Variants in SQSTM1 observed in about 807,000 individuals in gnomAD.
SQSTM1 encodes sequestosome-1.
In SQSTM1, 36 loss-of-function variants were observed where a neutral mutation model predicts 45.1. The ratio of observed to expected loss-of-function variants is 0.80; its 90% CI spans 0.61 to 1.05. The LOEUF (loss-of-function observed/expected upper bound fraction) is 1.05, where lower values mean the gene tolerates loss of function less well. SQSTM1 is among the 50% of genes least tolerant of loss of function. The pLI is 0.00. For missense variants in SQSTM1, 617 were observed against 607.1 expected (o/e 1.02, Z -0.17); for synonymous variants, 290 against 244.3 (o/e 1.19, Z -1.74).
intron 5 of SQSTM1, among the ~76,000 whole-genome samples, chr5:179,826,509 C>T (rs906278863): frequency 2.0e-5 from 3 of 151,786 alleles, no homozygotes; most frequent in African/African-American, 7.3e-5. Flanking sequence ...CTTGGCATTG[C>T]TTCTGAACTA....
chr5:179,818,105 A>G (rs1346300822), upstream of SQSTM1, among the ~76,000 whole-genome samples: 1 of 149,082 alleles, frequency 6.7e-6, no homozygotes, highest in Non-Finnish European at 1.5e-5. Context: ...TGAGGAGGAG[A>G]CATTTAGGGT....
At position 179,836,946 on chromosome 5, in the gene SQSTM1, T is replaced by TA. The variant is rs1487556884; in HGVS notation, c.*354dup. On this transcript the variant is annotated 3_prime_UTR_variant, in exon 8 of 8. Transcript: ENST00000389805. ...TTTCTCTTTTGTTTTAAATGACTCA[T>TA]AGGTCCCTGACATTTAGTTGATTAT... 1.6e-6 allele frequency: 1 copy of TA among 606,808 alleles called. No individual in the cohort carries two copies. The highest frequency in any genetic ancestry group is 2.9e-6 in the Non-Finnish European group (1 of 343,640). 37.6% of individuals were successfully genotyped at this position (606,808 alleles called of 1,614,324 possible).
rs2113480146 is a variant in SQSTM1 at position 179,821,132 on chromosome 5, C to T, written c.196C>T (p.His66Tyr). 7.3e-6 allele frequency: 10 copies of T among 1,363,600 alleles called. No homozygotes were observed. The highest frequency in any genetic ancestry group is 9.4e-6 in the Non-Finnish European group (10 of 1,063,148). The allele number at this position is 1,363,600 out of a possible 1,614,324, so 84.5% of individuals were successfully genotyped here. Residue 66 changes from histidine (H) to tyrosine (Y), a missense_variant, in exon 1 of 8, where the codon CAC (histidine) becomes TAC (tyrosine). His to Tyr is a moderately conservative substitution (Grantham distance 83). Transcript: ENST00000389805. ...PALRPGGFQA[H>Y]YRDEDGDLVA... ...GCTGCGGCCTGGCGGCTTCCAGGCGCACTACCGCGGTGAGCGGGCCGGGGA... is the reference window on the plus strand; with the variant it reads ...GCTGCGGCCTGGCGGCTTCCAGGCGTACTACCGCGGTGAGCGGGCCGGGGA...
chr5:179,819,851 A>G (rs1266953294), upstream of SQSTM1, among the ~76,000 whole-genome samples: 1 of 151,444 alleles, frequency 6.6e-6, no homozygotes, highest in Non-Finnish European at 1.5e-5. Context: ...CCCACACATC[A>G]CCTTCGCACC....
At chr5:179,812,743 AG>A (rs1342163350) in intron 2 of SQSTM1, 3 of 152,242 alleles carry the variant, frequency 2.0e-5, no homozygotes, top group African/African-American at 7.2e-5. Flanking sequence ...GAAGTTCTCC[AG>A]TGCCCAGGCC....
At chr5:179,807,456 C>T (rs894616211) in intron 1 of SQSTM1, 1 of 152,242 alleles carries the variant, frequency 6.6e-6, no homozygotes, top group Non-Finnish European at 1.5e-5. Context: ...AGGGCCGATG[C>T]TCGTGGATGC....
chr5:179,836,758 G>A lies in SQSTM1; in HGVS notation c.*165G>A. On this transcript the variant is annotated 3_prime_UTR_variant, in exon 8 of 8. Coordinates refer to ENST00000389805, the MANE Select transcript of SQSTM1 (RefSeq NM_003900.5). Reference sequence around the variant, plus strand: ...GGGCAGCAAAACAAGTGACATGAAGGGAGGGTCCCTGTGTGTGTGTGTGCT... The same window carrying A: ...GGGCAGCAAAACAAGTGACATGAAGAGAGGGTCCCTGTGTGTGTGTGTGCT... The A allele has an allele frequency of 9.6e-7, 1 of 1,045,542 alleles. No homozygotes were observed. Among genetic ancestry groups the A allele is most frequent in the Non-Finnish European group, 1.5e-6 (1 of 686,350 alleles). The allele number at this position is 1,045,542 out of a possible 1,614,324, so 64.8% of individuals were successfully genotyped here. A position where few individuals can be genotyped will look rare whatever the true frequency, so the allele number is the denominator to read the frequency against.
chr5:179,812,981 A>C (rs1205325147), intron 2 of SQSTM1: 1 of 101,932 alleles, frequency 9.8e-6, no homozygotes, highest in Non-Finnish European at 2.2e-5. Flanking sequence ...CATTCAAAAC[A>C]TGGTCCCCCC....
At chr5:179,807,268 T>C (rs998494845) in intron 1 of SQSTM1, 2 of 152,056 alleles carry the variant, frequency 1.3e-5, no homozygotes, top group African/African-American at 4.8e-5. Flanking sequence ...CTCGGGGCTC[T>C]TTCCCGGGCG....
chr5:179,832,923 CTG>C, intron 5 of SQSTM1, 107 bp from the exon 6 acceptor site: 2 of 1,125,292 alleles, frequency 1.8e-6, no homozygotes, highest in Non-Finnish European at 2.7e-6. Context: ...CTTGTGGGGA[CTG>C]AACGTTGAGA....
At chr5:179,811,629 A>C (rs1757406776) in exon 2 of SQSTM1, 1 of 152,218 alleles carries the variant, frequency 6.6e-6, no homozygotes, top group South Asian at 2.1e-4. Context: ...TTTTAGCTGA[A>C]CTAAGGAGAA....
At chr5:179,817,599 C>T (rs1304569116), upstream of SQSTM1, among the ~76,000 whole-genome samples, 1 of 152,268 alleles carries the variant, frequency 6.6e-6, no homozygotes, top group Non-Finnish European at 1.5e-5. Context: ...CCATGTCTGT[C>T]CATGACTTGA....
intron 1 of SQSTM1, chr5:179,821,446 G>A (rs1010665258): frequency 8.3e-6 from 5 of 606,042 alleles, no homozygotes; most frequent in Non-Finnish European, 1.5e-5. Context: ...CCCCCGCGCT[G>A]TTGGGGATTT....
At chr5:179,836,314 C>T (rs1302604692) in intron 7 of SQSTM1, 122 bp from the exon 8 acceptor site, 4 of 1,353,052 alleles carry the variant, frequency 3.0e-6, no homozygotes, top group Non-Finnish European at 3.2e-6. Flanking sequence ...AGGACGAGAG[C>T]TCTGGGCAGG....
At chr5:179,833,004 G>A (rs770466637) in intron 5 of SQSTM1, 28 bp from the exon 6 acceptor site, 17 of 1,613,268 alleles carry the variant, frequency 1.1e-5, no homozygotes, top group Middle Eastern at 3.4e-4. Context: ...GGAACTTCAC[G>A]GCTTGCTCTT....
rs1758577042 is a variant in SQSTM1 at position 179,836,681 on chromosome 5, A to C, written c.*88A>C. On this transcript the variant is annotated 3_prime_UTR_variant, in exon 8 of 8. Transcript: ENST00000389805. Reference sequence around the variant, plus strand: ...AGAATTGCAGGTCTCTGTACGGGCCAGTTTCTCTGCCTTCTTCCAGGATCA... The same window carrying C: ...AGAATTGCAGGTCTCTGTACGGGCCCGTTTCTCTGCCTTCTTCCAGGATCA... 2 of 1,589,554 alleles carry C rather than the reference A, an allele frequency of 1.3e-6. No homozygotes were observed. The highest frequency in any genetic ancestry group is 1.7e-6 in the Non-Finnish European group (2 of 1,158,504).
At chr5:179,825,285 C>T (rs1010468169) in intron 5 of SQSTM1, 59 bp downstream of exon 5, 15 of 1,390,768 alleles carry the variant, frequency 1.1e-5, no homozygotes, top group African/African-American at 2.8e-5. Flanking sequence ...ATGTAACTTT[C>T]ACCTGGAATA....
chr5:179,830,604 G>C (rs1041468106), intron 5 of SQSTM1, among the ~76,000 whole-genome samples: 3 of 151,730 alleles, frequency 2.0e-5, no homozygotes, highest in Non-Finnish European at 4.4e-5. Context: ...TGTCGCCCAG[G>C]CTGGAGTGCA....
chr5:179,830,525 G>A (rs779492506), intron 5 of SQSTM1, among the ~76,000 whole-genome samples: 2 of 151,836 alleles, frequency 1.3e-5, no homozygotes, highest in Admixed American at 1.3e-4. Flanking sequence ...GGGACTACAG[G>A]CATGTGCCAC....
Sources: allele counts gnomAD v4.1 joint callset (sites outside exome capture counted in the v4.1 genomes callset), GRCh38; gene constraint gnomAD v4.1.1; transcripts MANE v1.5; gene names NCBI Gene and HGNC (gene_info 2026-07-23, HGNC 2026-07-21).